The following PARM1 variants were observed in gnomAD, a reference collection of about 807,000 sequenced individuals.
PARM1 encodes the protein prostate androgen-regulated mucin-like protein 1.
In PARM1, 14 loss-of-function variants were observed where a neutral mutation model predicts 24.6. The observed-to-expected ratio is 0.57, with a 90% CI of 0.38 to 0.89. The LOEUF (loss-of-function observed/expected upper bound fraction) is 0.89, where lower values mean the gene tolerates loss of function less well. PARM1 is among the 40% of genes least tolerant of loss of function. The pLI, the probability that PARM1 is intolerant of heterozygous loss-of-function variation, is 0.00. For missense variants in PARM1, 362 were observed against 380.4 expected (o/e 0.95, Z 0.40); for synonymous variants, 179 against 156.6 (o/e 1.14, Z -1.07).
At chr4:74,982,358 C>A (rs1319679036) in intron 1 of PARM1, among the ~76,000 whole-genome samples, 2 of 152,090 alleles carry the variant, frequency 1.3e-5, no homozygotes, top group African/African-American at 2.4e-5. Flanking sequence ...GGGCTTAATA[C>A]CTAGGTGATG....
At position 75,046,016 on chromosome 4, in the gene PARM1, TGGGTGG is replaced by T. The variant is rs1463267154; in HGVS notation, c.849-145_849-140del. The T allele has an allele frequency of 5.2e-6, 3 of 578,724 alleles. No individual in the cohort carries two copies. In the African/African-American group the frequency reaches 5.7e-5, roughly 11 times the overall value. 35.8% of individuals were successfully genotyped at this position (578,724 alleles called of 1,614,324 possible). A position where few individuals can be genotyped will look rare whatever the true frequency, so the allele number is the denominator to read the frequency against. ...GTTTGGTAGACCGGGGCCTCCACGG[TGGGTGG>T]GTCTGCTGTCCTAGTGAGAGCGTCA... On this transcript the variant is annotated intron_variant, in intron 3 of 3. Transcript: ENST00000307428.
intron 1 of PARM1, among the ~76,000 whole-genome samples, chr4:75,008,869 C>G (rs1316953560): frequency 6.6e-5 from 10 of 152,060 alleles, no homozygotes; most frequent in Admixed American, 5.9e-4. Flanking sequence ...CTGAGGCTCT[C>G]TCTACCTCCA....
chr4:74,971,291 T>C (rs1346561643), intron 1 of PARM1, among the ~76,000 whole-genome samples: 1 of 151,956 alleles, frequency 6.6e-6, no homozygotes, highest in African/African-American at 2.4e-5. Flanking sequence ...AACCATGAGA[T>C]CTTGTGAGAT....
chr4:74,962,627 A>G (rs1208441239), intron 1 of PARM1, among the ~76,000 whole-genome samples: 1 of 152,236 alleles, frequency 6.6e-6, no homozygotes, highest in Non-Finnish European at 1.5e-5. Flanking sequence ...CCATGCAAAC[A>G]AGAGAGCAGG....
At chr4:75,034,571 G>A (rs1490936808) in intron 3 of PARM1, among the ~76,000 whole-genome samples, 3 of 152,168 alleles carry the variant, frequency 2.0e-5, no homozygotes, top group African/African-American at 4.8e-5. Flanking sequence ...TAGCCTAATA[G>A]GAAGTTGCAA....
At chr4:75,024,170 G>A (rs1422400939) in intron 2 of PARM1, among the ~76,000 whole-genome samples, 3 of 152,150 alleles carry the variant, frequency 2.0e-5, no homozygotes, top group Admixed American at 2.0e-4. Context: ...TACTCCGGAG[G>A]CTGAGGCAGG....
At chr4:75,015,792 G>T (rs929685632) in intron 2 of PARM1, among the ~76,000 whole-genome samples, 3 of 152,092 alleles carry the variant, frequency 2.0e-5, no homozygotes, top group Non-Finnish European at 4.4e-5. Context: ...CTGTGCCCAG[G>T]GCCCAGAGCT....
At chr4:74,970,649 G>A (rs759749924) in intron 1 of PARM1, among the ~76,000 whole-genome samples, 8 of 152,098 alleles carry the variant, frequency 5.3e-5, no homozygotes, top group East Asian at 1.9e-4. Flanking sequence ...AGATTTTACC[G>A]AGCATGTTTC....
chr4:74,934,996 C>CTTTTTTTTTTTTTTTTTTTTTTTTTT (rs11392364), intron 1 of PARM1, among the ~76,000 whole-genome samples: 1 of 116,548 alleles, frequency 8.6e-6, no homozygotes, highest in Non-Finnish European at 1.7e-5. Flanking sequence ...GCTCTTTTTT[C>CTTTTTTTTTTTTTTTTTTTTTTTTTT]TTTTTTTTTT....
chr4:75,008,131 A>G (rs1722807192), intron 1 of PARM1, among the ~76,000 whole-genome samples: 1 of 152,260 alleles, frequency 6.6e-6, no homozygotes, highest in Admixed American at 6.5e-5. Flanking sequence ...GAGTCAGTGC[A>G]TTATGGAATG....
intron 1 of PARM1, among the ~76,000 whole-genome samples, chr4:74,952,877 T>C (rs143270693): frequency 1.1e-4 from 17 of 152,378 alleles, no homozygotes; most frequent in African/African-American, 3.8e-4. Context: ...TGTTTTCCTC[T>C]TTCTTTACCT....
intron 1 of PARM1, among the ~76,000 whole-genome samples, chr4:75,003,842 A>G (rs1395215289): frequency 6.6e-6 from 1 of 152,184 alleles, no homozygotes; most frequent in African/African-American, 2.4e-5. Context: ...ACTGAAACCT[A>G]GCTTTGAAAT....
intron 1 of PARM1, among the ~76,000 whole-genome samples, chr4:75,001,979 A>G (rs1722688606): frequency 6.6e-6 from 1 of 152,202 alleles, no homozygotes; most frequent in Non-Finnish European, 1.5e-5. Context: ...ATAATCAGTC[A>G]AATTGCCTAC....
At chr4:74,946,997 T>C (rs888855111) in intron 1 of PARM1, among the ~76,000 whole-genome samples, 4 of 152,214 alleles carry the variant, frequency 2.6e-5, no homozygotes, top group African/African-American at 9.6e-5. Context: ...TAATTTTCTC[T>C]AGGGTTATTC....
In PARM1 at chr4:74,993,699, G is replaced by A. The variant is rs1260611519; in HGVS notation, c.44-18726G>A. Among the ~76,000 whole-genome samples, 4 of 152,236 alleles carry A rather than the reference G, an allele frequency of 2.6e-5. No individual in the cohort carries two copies. In the South Asian group the frequency reaches 6.2e-4, roughly 24 times the overall value. Reference sequence around the variant, plus strand: ...TTTATAACAAATGAAGAAGTGAAATGTATGACCATTTTTAATTTTTGATGA... The same window carrying A: ...TTTATAACAAATGAAGAAGTGAAATATATGACCATTTTTAATTTTTGATGA... On this transcript the variant is annotated intron_variant, in intron 1 of 3. Coordinates refer to ENST00000307428, the MANE Select transcript of PARM1 (RefSeq NM_015393.4).
intron 2 of PARM1, among the ~76,000 whole-genome samples, chr4:75,013,878 G>A (rs1004276868): frequency 5.3e-5 from 8 of 152,070 alleles, no homozygotes; most frequent in African/African-American, 1.9e-4. Context: ...AGAAATCAAG[G>A]GCCCTTTCTG....
At chr4:74,936,491 T>A (rs1721191120) in intron 1 of PARM1, among the ~76,000 whole-genome samples, 2 of 150,540 alleles carry the variant, frequency 1.3e-5, no homozygotes, top group Non-Finnish European at 1.5e-5. Flanking sequence ...TCTCTCTCTG[T>A]CTCCCAGGCT....
At chr4:75,045,489 C>A (rs1320353224) in intron 3 of PARM1, among the ~76,000 whole-genome samples, 6 of 152,186 alleles carry the variant, frequency 3.9e-5, no homozygotes, top group Non-Finnish European at 8.8e-5. Flanking sequence ...ACCCATATTG[C>A]CATTCAACTA....
intron 1 of PARM1, among the ~76,000 whole-genome samples, chr4:74,960,832 C>T (rs1475189210): frequency 2.0e-5 from 3 of 150,762 alleles, no homozygotes; most frequent in African/African-American, 7.4e-5. Context: ...CATGGTAAAA[C>T]CCCCTCTCTA....
Sources: gnomAD v4.1 joint callset for allele counts (sites outside exome capture counted in the v4.1 genomes callset) on GRCh38, gnomAD v4.1.1 for gene constraint, MANE v1.5 for transcripts, NCBI Gene and HGNC (gene_info 2026-07-23, HGNC 2026-07-21) for gene names.